GLYR1: variants seen among roughly 807,000 people sequenced by gnomAD.
GLYR1 encodes glyoxylate reductase 1 homolog, also known as cytokine-like nuclear factor N-PAC.
A neutral mutation model predicts 72.7 loss-of-function variants in GLYR1; 21 were observed. The ratio of observed to expected loss-of-function variants is 0.29; its 90% CI spans 0.20 to 0.42. The LOEUF is 0.42. Ranked by LOEUF, GLYR1 falls within the 10% of genes least tolerant of loss-of-function variation. The pLI is 1.00. For missense variants in GLYR1, 594 were observed against 712.1 expected, an observed-to-expected ratio of 0.83 and a Z score of 1.89; for synonymous variants, 392 against 270.2, an observed-to-expected ratio of 1.45 and a Z score of -4.42.
intron 15 of GLYR1, among the ~76,000 whole-genome samples, chr16:4,806,902 G>A (rs537663457): frequency 6.7e-6 from 1 of 150,140 alleles, no homozygotes; most frequent in Non-Finnish European, 1.5e-5. Flanking sequence ...TGCCTCCCGG[G>A]TTCACGCCAT....
At chr16:4,830,485 G>A (rs1172089269) in intron 5 of GLYR1, among the ~76,000 whole-genome samples, 1 of 152,168 alleles carries the variant, frequency 6.6e-6, no homozygotes, top group African/African-American at 2.4e-5. Context: ...ACCAAGGCAG[G>A]TCAGCTGGGG....
intron 2 of GLYR1, 96 bp from the exon 3 acceptor site, chr16:4,845,249 A>G (rs1356615279): frequency 1.3e-6 from 1 of 789,078 alleles, no homozygotes; most frequent in Non-Finnish European, 2.2e-6. Flanking sequence ...TTGCTAAGAA[A>G]AAAGTAAATT....
At chr16:4,811,596 C>G in intron 14 of GLYR1, 27 bp downstream of exon 14, 1 of 1,612,206 alleles carries the variant, frequency 6.2e-7, no homozygotes, top group South Asian at 1.1e-5. Context: ...ACACCAAATG[C>G]AAGAAGAGGG....
chr16:4,811,744 G>A lies in GLYR1; in HGVS notation c.1341C>T (p.Phe447=). Residue 447 remains phenylalanine, a synonymous_variant, in exon 14 of 16, where the codon TTC becomes TTT. Coordinates refer to ENST00000321919, the MANE Select transcript of GLYR1 (RefSeq NM_032569.4). Reference sequence around the variant, plus strand: ...TCAGCCCCTCGGCAATAGTGGCCATGAAGCTCCCTTGGACCATGTTCACGA... The same window carrying A: ...TCAGCCCCTCGGCAATAGTGGCCATAAAGCTCCCTTGGACCATGTTCACGA... ...MLIVNMVQGS[F]MATIAEGLTL... 6.2e-7 allele frequency: 1 copy of A among 1,614,172 alleles called. No homozygotes were observed. Among genetic ancestry groups the A allele is most frequent in the Non-Finnish European group, 8.5e-7 (1 of 1,180,010 alleles).
intron 5 of GLYR1, among the ~76,000 whole-genome samples, chr16:4,825,352 C>G (rs977841057): frequency 1.3e-5 from 2 of 152,168 alleles, no homozygotes; most frequent in East Asian, 1.9e-4. Flanking sequence ...GCTTTCCCCC[C>G]CGCACCAAAC....
Position 4,843,970 on chromosome 16 carries a change from C to T in GLYR1, c.155+1104G>A, listed in dbSNP as rs531647343. The T allele has an allele frequency of 5.7e-5, 10 of 174,616 alleles. No individual in the cohort carries two copies. The South Asian group carries it at 7.0e-4, about 12-fold the overall frequency. 10.8% of individuals were successfully genotyped at this position (174,616 alleles called of 1,614,324 possible). Reference sequence around the variant, plus strand: ...TACTAAAAAATATAAAACAATTAGCCGGGTGTGGTGGTGTGCGCCTGTAGT... The same window carrying T: ...TACTAAAAAATATAAAACAATTAGCTGGGTGTGGTGGTGTGCGCCTGTAGT... On this transcript the variant is annotated intron_variant, in intron 3 of 15. Transcript: ENST00000321919.
At chr16:4,823,030 G>T in intron 6 of GLYR1, 99 bp from the exon 7 acceptor site, 1 of 969,752 alleles carries the variant, frequency 1.0e-6, no homozygotes, top group East Asian at 2.4e-5. Flanking sequence ...CAACACCTCT[G>T]GATTCTGGTC....
intron 11 of GLYR1, 125 bp from the exon 12 acceptor site, chr16:4,813,963 G>A (rs2083472118): frequency 3.0e-6 from 2 of 661,860 alleles, no homozygotes; most frequent in East Asian, 5.9e-5. Context: ...CAGCTGAAAA[G>A]GGAAGAACAA....
Position 4,803,465 on chromosome 16 carries a change from G to T in GLYR1, c.*1771C>A, listed in dbSNP as rs2082801865. On this transcript the variant is annotated 3_prime_UTR_variant, in exon 16 of 16. Coordinates refer to ENST00000321919, the MANE Select transcript of GLYR1 (RefSeq NM_032569.4). The stretch of plus-strand genomic sequence containing the variant: ...TCCTTAAAAGGGAAGGATTTCAAAA[G>T]AAAGGTGAAATAGCTTAAACAGAAA... The T allele has an allele frequency of 6.6e-6, 1 of 152,638 alleles. No individual in the cohort carries two copies. The highest frequency in any genetic ancestry group is 6.5e-5 in the Admixed American group (1 of 15,276). The allele number at this position is 152,638 out of a possible 1,614,324, so 9.5% of individuals were successfully genotyped here. A position where few individuals can be genotyped will look rare whatever the true frequency, so the allele number is the denominator to read the frequency against.
At chr16:4,809,956 CA>C (rs1043131757) in intron 15 of GLYR1, among the ~76,000 whole-genome samples, 1 of 150,306 alleles carries the variant, frequency 6.7e-6, no homozygotes, top group South Asian at 2.1e-4. Context: ...AACAAAAAAA[CA>C]AAAAAAACCC....
intron 15 of GLYR1, among the ~76,000 whole-genome samples, chr16:4,806,260 C>A (rs888204162): frequency 6.6e-6 from 1 of 152,194 alleles, no homozygotes. Flanking sequence ...GGTTGAGAAA[C>A]CCTGCCTTAA....
At chr16:4,837,750 G>A (rs973273296) in intron 3 of GLYR1, among the ~76,000 whole-genome samples, 4 of 151,878 alleles carry the variant, frequency 2.6e-5, no homozygotes, top group African/African-American at 4.8e-5. Context: ...TGGCCAACAC[G>A]GTGAAACCCT....
At chr16:4,819,038 T>G (rs1260515917) in intron 9 of GLYR1, among the ~76,000 whole-genome samples, 2 of 152,230 alleles carry the variant, frequency 1.3e-5, no homozygotes, top group Non-Finnish European at 2.9e-5. Flanking sequence ...ACGGATGACT[T>G]TTAGCTTGCC....
intron 9 of GLYR1, 97 bp from the exon 10 acceptor site, chr16:4,817,794 G>A (rs2083744682): frequency 5.2e-6 from 4 of 776,450 alleles, no homozygotes; most frequent in Non-Finnish European, 9.0e-6. Context: ...TATACAGCTT[G>A]GGGTAGGGGA....
intron 15 of GLYR1, 76 bp from the exon 16 acceptor site, chr16:4,805,386 T>C: frequency 2.4e-6 from 3 of 1,249,954 alleles, no homozygotes; most frequent in Non-Finnish European, 3.5e-6. Flanking sequence ...CTGGAGGCAG[T>C]GGTGGATGTG....
chr16:4,811,591 A>G (rs1171756938), intron 14 of GLYR1, 32 bp downstream of exon 14: 1 of 1,611,702 alleles, frequency 6.2e-7, no homozygotes, highest in Non-Finnish European at 8.5e-7. Flanking sequence ...ATCAAACACC[A>G]AATGCAAGAA....
intron 3 of GLYR1, among the ~76,000 whole-genome samples, chr16:4,839,044 G>A (rs1015753406): frequency 2.6e-5 from 4 of 152,102 alleles, no homozygotes; most frequent in African/African-American, 9.7e-5. Flanking sequence ...ATGCTACTAC[G>A]CATGAACCCT....
At chr16:4,832,275 G>A (rs371238559) in intron 4 of GLYR1, 54 bp from the exon 5 acceptor site, 13 of 1,597,426 alleles carry the variant, frequency 8.1e-6, no homozygotes, top group Admixed American at 1.7e-5. Flanking sequence ...TGCCGCCATC[G>A]CCACCATCAT....
At position 4,845,267 on chromosome 16, in the gene GLYR1, C is replaced by G. The variant is rs1031092457; in HGVS notation, c.76-114G>C. 3 of 692,318 alleles carry G rather than the reference C, an allele frequency of 4.3e-6. No homozygotes were observed. The African/African-American group carries it at 5.5e-5, about 13-fold the overall frequency. The allele number at this position is 692,318 out of a possible 1,614,324, so 42.9% of individuals were successfully genotyped here. On this transcript the variant is annotated intron_variant, in intron 2 of 15. Transcript: ENST00000321919. ...CTAAGAAAAAAGTAAATTAAAAGGA[C>G]TTACTTACAAATAAATTTATTTATA...
Sources: allele counts gnomAD v4.1 joint callset (sites outside exome capture counted in the v4.1 genomes callset), GRCh38; gene constraint gnomAD v4.1.1; transcripts MANE v1.5; gene names NCBI Gene and HGNC (gene_info 2026-07-23, HGNC 2026-07-21).